Variants in BACH2 observed in about 807,000 individuals in gnomAD.
The protein encoded by BACH2 is transcription regulator protein BACH2.
A neutral mutation model predicts 61.8 loss-of-function variants in BACH2; 5 were observed. The ratio of observed to expected loss-of-function variants is 0.08; its 90% confidence interval spans 0.04 to 0.17. BACH2 has a LOEUF of 0.17. Among genes scored for constraint, BACH2 ranks in the 10% least tolerant of loss-of-function variants. BACH2 has a pLI of 1.00. For missense variants in BACH2, 824 were observed against 1,091.1 expected, an observed-to-expected ratio of 0.76 and a Z score of 3.45; for synonymous variants, 446 against 440.1, an observed-to-expected ratio of 1.01 and a Z score of -0.17.
intron 8 of BACH2, among the ~76,000 whole-genome samples, chr6:89,933,735 CAA>C (rs896502698): frequency 1.4e-4 from 21 of 152,162 alleles, no homozygotes; most frequent in Admixed American, 1.1e-3. Flanking sequence ...CCTATAATCC[CAA>C]CACTATGGAA....
rs1488227089 is a variant in BACH2 at position 89,950,575 on chromosome 6, G to T, written c.1531C>A (p.Pro511Thr). ...GTCCTGGTCCTGGTCTCCAAGGGGG[G>T]TGAGCGAGGGCAGACTTTGATTGGT... ...PVPIKVCPRSPPLETRTRTSS... is the reference protein window; with the variant it reads ...PVPIKVCPRSTPLETRTRTSS... The change falls in exon 7 of 9, where the codon CCC (proline) becomes ACC (threonine). Residue 511 changes from proline (P) to threonine (T), a missense_variant. Pro to Thr is a conservative substitution (Grantham distance 38). Coordinates refer to ENST00000257749, the MANE Select transcript of BACH2 (RefSeq NM_021813.4). This position sits in a 1 kb window ranked among gnomAD's most constrained non-coding sequence, Gnocchi z 5.3. The T allele has an allele frequency of 6.2e-7, 1 of 1,611,604 alleles. No individual in the cohort carries two copies. The highest frequency in any genetic ancestry group is 1.7e-5 in the Admixed American group (1 of 59,926).
intron 4 of BACH2, among the ~76,000 whole-genome samples, chr6:90,189,572 C>T (rs557427872): frequency 2.3e-3 from 300 of 133,038 alleles, no homozygotes; most frequent in African/African-American, 8.6e-3. Flanking sequence ...TGCGCCACTG[C>T]AGTCCGCAGT....
intron 5 of BACH2, among the ~76,000 whole-genome samples, chr6:90,086,381 T>C (rs1358452613): frequency 1.3e-5 from 2 of 152,162 alleles, no homozygotes; most frequent in Admixed American, 6.5e-5. Flanking sequence ...CACTTGGTAA[T>C]CCTGTTTAAT....
At chr6:90,009,523 C>T (rs1004065998) in intron 5 of BACH2, among the ~76,000 whole-genome samples, 5 of 152,176 alleles carry the variant, frequency 3.3e-5, no homozygotes, top group African/African-American at 4.8e-5. Context: ...ATTGTGCTGT[C>T]GTTATCCCAG....
chr6:90,066,876 C>T (rs974798262), intron 5 of BACH2, among the ~76,000 whole-genome samples: 51 of 152,296 alleles, frequency 3.3e-4, no homozygotes, highest in African/African-American at 1.2e-3. Flanking sequence ...GCCTTAGAGC[C>T]GGGCTCCATT....
intron 4 of BACH2, among the ~76,000 whole-genome samples, chr6:90,187,707 G>A (rs1431783159): frequency 2.0e-5 from 3 of 152,178 alleles, no homozygotes; most frequent in African/African-American, 7.2e-5. Context: ...GAAGAGCAGA[G>A]GATTAGGATC....
chr6:90,226,971 C>T (rs1322782613), intron 3 of BACH2, among the ~76,000 whole-genome samples: 1 of 152,174 alleles, frequency 6.6e-6, no homozygotes, highest in East Asian at 1.9e-4. Context: ...TGTGAGATTG[C>T]TGCTCCAAAG....
At chr6:89,968,312 G>A (rs917341371) in intron 6 of BACH2, among the ~76,000 whole-genome samples, 37 of 152,324 alleles carry the variant, frequency 2.4e-4, no homozygotes, top group African/African-American at 5.8e-4. Flanking sequence ...GCTGTTTTGC[G>A]TTGTTATCTG....
At chr6:90,140,774 A>T (rs1784433198) in intron 4 of BACH2, among the ~76,000 whole-genome samples, 1 of 152,258 alleles carries the variant, frequency 6.6e-6, no homozygotes, top group Non-Finnish European at 1.5e-5. Context: ...AGACACTGTC[A>T]CAAGGGAATG....
At chr6:90,104,316 C>T (rs963702031) in intron 4 of BACH2, 7 of 152,200 alleles carry the variant, frequency 4.6e-5, no homozygotes, top group Admixed American at 3.3e-4. Context: ...GGACTTCAGG[C>T]AAAATACTTT....
intron 5 of BACH2, among the ~76,000 whole-genome samples, chr6:90,054,795 C>G (rs1266406036): frequency 1.3e-5 from 2 of 152,214 alleles, no homozygotes; most frequent in Non-Finnish European, 2.9e-5. Flanking sequence ...AACCATCAGG[C>G]AGCAGCATCT....
At chr6:90,193,278 A>C (rs1768638746) in intron 4 of BACH2, among the ~76,000 whole-genome samples, 1 of 152,208 alleles carries the variant, frequency 6.6e-6, no homozygotes, top group Non-Finnish European at 1.5e-5. Flanking sequence ...AGATGTAATT[A>C]GTTAAAATGA....
intron 4 of BACH2, among the ~76,000 whole-genome samples, chr6:90,164,129 GT>G (rs1391519157): frequency 2.0e-5 from 3 of 152,126 alleles, no homozygotes; most frequent in Non-Finnish European, 4.4e-5. Context: ...CCAGGAGCTG[GT>G]TTTTTGAAAA....
intron 4 of BACH2, among the ~76,000 whole-genome samples, chr6:90,121,845 C>T (rs1783640386): frequency 6.6e-6 from 1 of 152,168 alleles, no homozygotes; most frequent in Non-Finnish European, 1.5e-5. Flanking sequence ...CGTGCCCGGC[C>T]ACCTTTGCAT....
At chr6:90,259,294 T>G (rs1771083188) in intron 2 of BACH2, among the ~76,000 whole-genome samples, 1 of 152,230 alleles carries the variant, frequency 6.6e-6, no homozygotes, top group African/African-American at 2.4e-5. Flanking sequence ...TGTTGGACTT[T>G]GTCAAATGCT....
intron 1 of BACH2, among the ~76,000 whole-genome samples, chr6:90,289,664 C>A (rs563630460): frequency 6.6e-6 from 1 of 152,134 alleles, no homozygotes; most frequent in East Asian, 1.9e-4. Context: ...TAGCAAAAAA[C>A]AAAAAACAAA....
chr6:90,011,930 ATATGTGTGTG>A (rs1227401204), intron 5 of BACH2, among the ~76,000 whole-genome samples: 126 of 98,764 alleles, frequency 1.3e-3, no homozygotes, highest in Middle Eastern at 9.0e-3. Flanking sequence ...AAAAAAAAAA[ATATGTGTGTG>A]TGTGTGTGTG....
chr6:90,083,546 C>T (rs890073808), intron 5 of BACH2, among the ~76,000 whole-genome samples: 30 of 152,098 alleles, frequency 2.0e-4, no homozygotes, highest in African/African-American at 7.0e-4. Context: ...GAATTGGCTT[C>T]AAAAGTATGC....
intron 6 of BACH2, among the ~76,000 whole-genome samples, chr6:89,980,233 G>A (rs1404777731): frequency 6.6e-6 from 1 of 151,926 alleles, no homozygotes; most frequent in Non-Finnish European, 1.5e-5. Flanking sequence ...GGCAGAGGTT[G>A]CAGTGAGCCG....
Sources: gnomAD v4.1 joint callset for allele counts (sites outside exome capture counted in the v4.1 genomes callset) on GRCh38, gnomAD v4.1.1 for gene constraint, Gnocchi (gnomAD v3.1) non-coding constraint, MANE v1.5 for transcripts, NCBI Gene and HGNC (gene_info 2026-07-23, HGNC 2026-07-21) for gene names.